The following DTNB variants were observed in gnomAD, a reference collection of about 807,000 sequenced individuals.
DTNB encodes DTN-B.
In DTNB, 63 loss-of-function variants were observed where a neutral mutation model predicts 90.7. That is an observed-to-expected ratio of 0.69 (90% CI 0.57 to 0.86). The LOEUF is 0.86. DTNB is among the 40% of genes least tolerant of loss of function. DTNB has a pLI of 0.00. For missense variants in DTNB, 744 were observed against 807.1 expected (o/e 0.92, Z 0.95); for synonymous variants, 277 against 286.7 (o/e 0.97, Z 0.34).
chr2:25,550,678 TTTTC>T (rs1437507047), intron 8 of DTNB, among the ~76,000 whole-genome samples: 1 of 151,042 alleles, frequency 6.6e-6, no homozygotes, highest in Non-Finnish European at 1.5e-5. Flanking sequence ...TCAATTTTTC[TTTTC>T]TTTTTTACTC....
At chr2:25,507,929 C>T (rs1558808738) in intron 9 of DTNB, among the ~76,000 whole-genome samples, 1 of 152,280 alleles carries the variant, frequency 6.6e-6, no homozygotes, top group African/African-American at 2.4e-5. Context: ...CCAGCCTGTT[C>T]CTTTGGCAAG....
At chr2:25,578,540 T>C (rs1164855007) in intron 7 of DTNB, among the ~76,000 whole-genome samples, 1 of 152,236 alleles carries the variant, frequency 6.6e-6, no homozygotes, top group Non-Finnish European at 1.5e-5. Flanking sequence ...TGAACATATA[T>C]GTCTATGTGA....
chr2:25,605,266 G>C (rs1297263732), intron 5 of DTNB, among the ~76,000 whole-genome samples: 1 of 152,198 alleles, frequency 6.6e-6, no homozygotes, highest in Non-Finnish European at 1.5e-5. Context: ...TAAACACAGT[G>C]ATTGGTAACC....
intron 2 of DTNB, among the ~76,000 whole-genome samples, chr2:25,647,246 C>T (rs1261639630): frequency 6.6e-6 from 1 of 152,124 alleles, no homozygotes; most frequent in Non-Finnish European, 1.5e-5. Context: ...TTTAAAGGTA[C>T]ATGCATCCAA....
intron 16 of DTNB, among the ~76,000 whole-genome samples, chr2:25,411,892 G>A (rs1057142674): frequency 2.6e-5 from 4 of 152,156 alleles, no homozygotes; most frequent in Admixed American, 1.3e-4. Flanking sequence ...AGTAGACTCA[G>A]GCTTCTATTT....
intron 9 of DTNB, among the ~76,000 whole-genome samples, chr2:25,495,646 C>T (rs1488589757): frequency 6.6e-6 from 1 of 152,142 alleles, no homozygotes; most frequent in Non-Finnish European, 1.5e-5. Flanking sequence ...GTAGCATGCT[C>T]TTTGTCTATC....
At chr2:25,537,660 T>C (rs1214129491) in intron 8 of DTNB, among the ~76,000 whole-genome samples, 1 of 152,236 alleles carries the variant, frequency 6.6e-6, no homozygotes, top group African/African-American at 2.4e-5. Context: ...GAAGTGAATT[T>C]TGATAATGAG....
chr2:25,668,867 G>A (rs2085145775), intron 1 of DTNB, among the ~76,000 whole-genome samples: 2 of 146,306 alleles, frequency 1.4e-5, no homozygotes, highest in South Asian at 4.3e-4. Context: ...GCCAAAACGG[G>A]GAAACAACCC....
rs774817421 is a variant in DTNB, at chr2:25,399,350, C to CTTTT, written c.1576-10993_1576-10990dup. 33 of 119,958 alleles carry CTTTT rather than the reference C, an allele frequency of 2.8e-4. 4 individuals carry two copies. The highest frequency in any genetic ancestry group is 4.1e-4 in the Admixed American group (5 of 12,084). The allele number at this position is 119,958 out of a possible 1,614,324, so 7.4% of individuals were successfully genotyped here. On this transcript the variant is annotated intron_variant, in intron 16 of 20. Coordinates refer to ENST00000406818, the MANE Select transcript of DTNB (RefSeq NM_021907.5). ...ACAGGCGTGAGCCATCGCCCCTGAC[C>CTTTT]TTTTTTTTTTTTTTAGACAGGATCT...
chr2:25,473,272 C>A (rs763906231), intron 10 of DTNB, among the ~76,000 whole-genome samples: 3 of 152,160 alleles, frequency 2.0e-5, no homozygotes, highest in Admixed American at 6.5e-5. Context: ...GAAAAAAAAT[C>A]TCTGGTTAAA....
At chr2:25,442,608 A>G (rs1015050266) in intron 12 of DTNB, among the ~76,000 whole-genome samples, 2 of 152,234 alleles carry the variant, frequency 1.3e-5, no homozygotes, top group Non-Finnish European at 2.9e-5. Context: ...TTGTTTTAAG[A>G]AAAAAACCAA....
chr2:25,633,863 G>A (rs144199742), intron 3 of DTNB, among the ~76,000 whole-genome samples: 65,174 of 141,132 alleles, frequency 0.46, 15,260 homozygotes, highest in East Asian at 0.76. Context: ...ACCCGGCCGC[G>A]ACCCCGTCTG....
At chr2:25,516,012 T>C (rs1314103446) in intron 9 of DTNB, among the ~76,000 whole-genome samples, 1 of 152,178 alleles carries the variant, frequency 6.6e-6, no homozygotes, top group Non-Finnish European at 1.5e-5. Flanking sequence ...AGGCAAAATA[T>C]CTAAATAGAC....
intron 16 of DTNB, among the ~76,000 whole-genome samples, chr2:25,417,858 TG>T (rs2048353584): frequency 1.3e-5 from 2 of 152,156 alleles, no homozygotes; most frequent in Admixed American, 1.3e-4. Context: ...TTTGTCTACT[TG>T]GGGGAGGTAT....
rs544476097 is a variant in DTNB at position 25,546,549 on chromosome 2, A to G, written c.877-14952T>C. ...TAGTTCCACTTACCTTGTTTCGTGA[A>G]CCCAAGACAGATTTCCTACTTCATG... On this transcript the variant is annotated intron_variant, in intron 8 of 20. Coordinates refer to ENST00000406818, the MANE Select transcript of DTNB (RefSeq NM_021907.5). Among the ~76,000 whole-genome samples, 5 of 152,260 alleles carry G rather than the reference A, an allele frequency of 3.3e-5. No individual in the cohort carries two copies. The South Asian group carries it at 1.0e-3, about 32-fold the overall frequency.
chr2:25,651,699 G>GA (rs1223400074), intron 2 of DTNB, among the ~76,000 whole-genome samples: 1 of 152,104 alleles, frequency 6.6e-6, no homozygotes, highest in Non-Finnish European at 1.5e-5. Flanking sequence ...CAAATATGTC[G>GA]AGAGTTGGGT....
chr2:25,447,682 T>G (rs576163742), intron 12 of DTNB, among the ~76,000 whole-genome samples: 2 of 152,042 alleles, frequency 1.3e-5, no homozygotes, highest in East Asian at 3.9e-4. Flanking sequence ...TTTTTTTTTG[T>G]ATTTTTAGTA....
chr2:25,564,276 G>A (rs543945526), intron 8 of DTNB, among the ~76,000 whole-genome samples: 1 of 152,312 alleles, frequency 6.6e-6, no homozygotes, highest in East Asian at 1.9e-4. Flanking sequence ...TTTTCATAGA[G>A]ACTGCACTGA....
chr2:25,446,370 G>T (rs1574572745), intron 12 of DTNB, among the ~76,000 whole-genome samples: 1 of 152,014 alleles, frequency 6.6e-6, no homozygotes, highest in Non-Finnish European at 1.5e-5. Flanking sequence ...CCAAGCAGCT[G>T]TGACTACAGG....
Sources: allele counts gnomAD v4.1 joint callset (sites outside exome capture counted in the v4.1 genomes callset), GRCh38; gene constraint gnomAD v4.1.1; transcripts MANE v1.5; gene names NCBI Gene and HGNC (gene_info 2026-07-23, HGNC 2026-07-21).